The following ASPRV1 variants were observed in gnomAD, a reference collection of about 807,000 sequenced individuals.
ASPRV1 encodes retroviral-like aspartic protease 1.
A neutral mutation model predicts 11.0 loss-of-function variants in ASPRV1; 7 were observed. The ratio of observed to expected loss-of-function variants is 0.64; its 90% CI spans 0.36 to 1.20. ASPRV1 has a LOEUF of 1.20. Ranked by LOEUF, ASPRV1 falls within the 50% of genes most tolerant of loss-of-function variation. ASPRV1 has a pLI of 0.02. For missense variants in ASPRV1, 299 were observed against 320.0 expected, an observed-to-expected ratio of 0.93 and a Z score of 0.50; for synonymous variants, 136 against 138.4, an observed-to-expected ratio of 0.98 and a Z score of 0.12.
At chr2:69,992,063 T>G in the ASPRV1 span, among the ~76,000 whole-genome samples, 5 of 152,054 alleles carry the variant, frequency 3.3e-5, no homozygotes, top group African/African-American at 1.2e-4. Flanking sequence ...AGTGGGTCGT[T>G]TTCTAGGACA....
At chr2:70,085,899 G>C in the ASPRV1 span, 2 of 152,248 alleles carry the variant, frequency 1.3e-5, no homozygotes, top group Non-Finnish European at 2.9e-5. Flanking sequence ...CCCATGCTAG[G>C]AAGTCTAGAA....
the ASPRV1 span, among the ~76,000 whole-genome samples, chr2:70,008,637 GTT>G: frequency 1.4e-5 from 2 of 143,222 alleles, no homozygotes. Flanking sequence ...GTTTTTGTGT[GTT>G]TTTTTTTTTT....
chr2:70,040,663 G>A, the ASPRV1 span, among the ~76,000 whole-genome samples: 7 of 152,174 alleles, frequency 4.6e-5, no homozygotes, highest in East Asian at 1.9e-4. Flanking sequence ...GTGAAACTTC[G>A]TCTTTACTAA....
chr2:70,051,852 G>A, the ASPRV1 span, among the ~76,000 whole-genome samples: 1 of 152,006 alleles, frequency 6.6e-6, no homozygotes, highest in Non-Finnish European at 1.5e-5. Context: ...GCACATGCCT[G>A]TAGTCCCAAT....
At chr2:70,082,266 C>A in the ASPRV1 span, among the ~76,000 whole-genome samples, 1 of 151,948 alleles carries the variant, frequency 6.6e-6, no homozygotes, top group African/African-American at 2.4e-5. Flanking sequence ...TTGGCCAGTA[C>A]GGCAACTTTA....
downstream of ASPRV1, among the ~76,000 whole-genome samples, chr2:69,956,478 A>AGAAGAAGAAGAAGAAGAAGAAGAAG (rs780393687): frequency 2.4e-5 from 3 of 124,468 alleles, no homozygotes; most frequent in African/African-American, 1.2e-4. Context: ...AAGAAGAAGA[A>AGAAGAAGAAGAAGAAGAAGAAGAAG]AAGAGGAAGA....
chr2:69,962,924 G>A (rs757163466), upstream of ASPRV1: 7 of 250,804 alleles, frequency 2.8e-5, no homozygotes, highest in African/African-American at 4.4e-5. Context: ...CTAGCTGTGT[G>A]CTGTCACCAA....
the ASPRV1 span, among the ~76,000 whole-genome samples, chr2:69,951,483 G>GTGTA: frequency 6.4e-3 from 553 of 86,904 alleles, 7 homozygotes; most frequent in African/African-American, 0.028. Flanking sequence ...GTGTGTGTGT[G>GTGTA]TATATCTATA....
chr2:69,934,093 C>T, the ASPRV1 span, among the ~76,000 whole-genome samples: 7 of 152,182 alleles, frequency 4.6e-5, no homozygotes, highest in Admixed American at 4.6e-4. Context: ...GTTTGAGGCA[C>T]GGTGACAGCA....
At chr2:70,006,502 T>G in the ASPRV1 span, among the ~76,000 whole-genome samples, 4 of 152,054 alleles carry the variant, frequency 2.6e-5, no homozygotes, top group African/African-American at 9.7e-5. Context: ...ACCAAGAGGG[T>G]ACAGGGGCAG....
Position 69,960,593 on chromosome 2 carries a change from C to T in ASPRV1, c.*64G>A. ...GCCCAGTGACCCCCATGAGGATATG[C>T]AACCCCCCCCACAGCGGTGGGTCTT... On this transcript the variant is annotated 3_prime_UTR_variant, in exon 1 of 1. Coordinates refer to ENST00000320256, the MANE Select transcript of ASPRV1 (RefSeq NM_152792.4). 6.7e-7 allele frequency: 1 copy of T among 1,485,354 alleles called. No homozygotes were observed. Among genetic ancestry groups the T allele is most frequent in the Non-Finnish European group, 9.0e-7 (1 of 1,106,854 alleles). The allele number at this position is 1,485,354 out of a possible 1,614,324, so 92.0% of individuals were successfully genotyped here.
the ASPRV1 span, among the ~76,000 whole-genome samples, chr2:69,989,119 G>A: frequency 1.3e-5 from 2 of 152,206 alleles, no homozygotes; most frequent in Admixed American, 1.3e-4. Context: ...CCAGAGGGCA[G>A]GGCTCTCACA....
the ASPRV1 span, among the ~76,000 whole-genome samples, chr2:70,052,538 G>A: frequency 6.6e-6 from 1 of 152,132 alleles, no homozygotes; most frequent in Non-Finnish European, 1.5e-5. Context: ...CAGCGTATCT[G>A]TTCACGCACC....
the ASPRV1 span, among the ~76,000 whole-genome samples, chr2:70,037,611 A>G: frequency 6.6e-6 from 1 of 150,868 alleles, no homozygotes; most frequent in African/African-American, 2.5e-5. Context: ...TTCTTCTATG[A>G]CTTTGGCCCA....
chr2:69,989,688 G>C, the ASPRV1 span, among the ~76,000 whole-genome samples: 1 of 152,244 alleles, frequency 6.6e-6, no homozygotes, highest in Non-Finnish European at 1.5e-5. Flanking sequence ...CCACGTCATG[G>C]TTTCAGAGGC....
chr2:70,078,058 T>C, the ASPRV1 span, among the ~76,000 whole-genome samples: 2 of 148,282 alleles, frequency 1.3e-5, no homozygotes, highest in African/African-American at 5.0e-5. Flanking sequence ...TCCCAGCTAC[T>C]CAGGAGGCTG....
At chr2:70,033,661 A>G in the ASPRV1 span, among the ~76,000 whole-genome samples, 1 of 152,204 alleles carries the variant, frequency 6.6e-6, no homozygotes, top group African/African-American at 2.4e-5. Flanking sequence ...AGGGAATGGA[A>G]TAATTTTTTC....
the ASPRV1 span, among the ~76,000 whole-genome samples, chr2:69,944,397 G>A: frequency 2.0e-5 from 3 of 152,246 alleles, no homozygotes; most frequent in Admixed American, 6.5e-5. Context: ...TAAGGGCTGG[G>A]TGCGCCACTG....
chr2:70,056,966 A>AC, the ASPRV1 span, among the ~76,000 whole-genome samples: 1 of 151,840 alleles, frequency 6.6e-6, no homozygotes, highest in African/African-American at 2.4e-5. Context: ...CAAACTCCTG[A>AC]CCTCAGGTGA....
Sources: gnomAD v4.1 joint callset for allele counts (sites outside exome capture counted in the v4.1 genomes callset) on GRCh38, gnomAD v4.1.1 for gene constraint, MANE v1.5 for transcripts, NCBI Gene and HGNC (gene_info 2026-07-23, HGNC 2026-07-21) for gene names.